CDH23: variants seen among roughly 807,000 people sequenced by gnomAD.
The protein encoded by CDH23 is cadherin-23.
A neutral mutation model predicts 317.1 loss-of-function variants in CDH23; 189 were observed. The ratio of observed to expected loss-of-function variants is 0.60; its 90% CI spans 0.53 to 0.67. The LOEUF (loss-of-function observed/expected upper bound fraction) is 0.67, where lower values mean the gene tolerates loss of function less well. Among genes scored for constraint, CDH23 ranks in the 30% least tolerant of loss-of-function variants. The pLI, the probability that CDH23 is intolerant of heterozygous loss-of-function variation, is 0.00. For synonymous variants in CDH23, 1,839 were observed against 1,876.8 expected, an observed-to-expected ratio of 0.98 and a Z score of 0.52; for missense variants, 4,401 against 4,592.4, an observed-to-expected ratio of 0.96 and a Z score of 1.20.
Position 71,785,624 on chromosome 10 carries a change from A to T in CDH23, c.5713-7A>T, listed in dbSNP as rs760081925. 2.6e-5 allele frequency: 41 copies of T among 1,573,488 alleles called. No individual in the cohort carries two copies. Among genetic ancestry groups the T allele is most frequent in the Non-Finnish European group, 3.3e-5 (38 of 1,154,748 alleles). ...CTCCATGCAGCTCACCACCCTCCAC[A>T]TCCCAGACAGGGATCGTCACTGTGA... On this transcript the variant is annotated splice_region_variant and splice_polypyrimidine_tract_variant and intron_variant, in intron 43 of 69. Transcript: ENST00000224721.
At chr10:71,764,114 T>C (rs557169487) in intron 38 of CDH23, among the ~76,000 whole-genome samples, 1 of 152,126 alleles carries the variant, frequency 6.6e-6, no homozygotes, top group Non-Finnish European at 1.5e-5. Context: ...GGGAAAGTGG[T>C]TGGACTGAAG....
At chr10:71,441,925 T>A (rs1849907236) in intron 2 of CDH23, among the ~76,000 whole-genome samples, 1 of 152,060 alleles carries the variant, frequency 6.6e-6, no homozygotes, top group South Asian at 2.1e-4. Context: ...AGCTAAGGGG[T>A]CCCTTGGGCG....
Position 71,594,603 on chromosome 10 carries a change from C to T in CDH23, c.832+16611C>T, listed in dbSNP as rs117363844. Among the ~76,000 whole-genome samples the T allele has an allele frequency of 0.018, 2,684 of 152,196 alleles. 140 individuals are homozygous for T. In the East Asian group the frequency reaches 0.18, roughly 10 times the overall value. ...GTTGGTCAGGCTGGTCTTGAACTCC[C>T]GACCTCAGGTCTCTGCCCGCCTTGG... is the stretch of plus-strand genomic sequence containing the variant. On this transcript the variant is annotated intron_variant, in intron 9 of 69. Coordinates refer to ENST00000224721, the MANE Select transcript of CDH23 (RefSeq NM_022124.6).
At chr10:71,398,360 G>A (rs1037168248) in intron 1 of CDH23, among the ~76,000 whole-genome samples, 1 of 151,856 alleles carries the variant, frequency 6.6e-6, no homozygotes, top group Non-Finnish European at 1.5e-5. Flanking sequence ...CATTGACCTC[G>A]CCTTCCAGCC....
chr10:71,729,380 A>G (rs137936749), intron 30 of CDH23, among the ~76,000 whole-genome samples: 32 of 152,344 alleles, frequency 2.1e-4, no homozygotes, highest in Non-Finnish European at 3.8e-4. Flanking sequence ...AACAGACAGC[A>G]AAGTGTCATG....
chr10:71,583,248 G>T (rs1443622089), intron 9 of CDH23, among the ~76,000 whole-genome samples: 2 of 151,842 alleles, frequency 1.3e-5, no homozygotes, highest in African/African-American at 4.8e-5. Context: ...GGGAGGCGGG[G>T]TGGGGGCGGG....
chr10:71,679,562 C>T (rs1011545137), intron 17 of CDH23, 70 bp downstream of exon 17: 13 of 1,217,592 alleles, frequency 1.1e-5, no homozygotes, highest in Non-Finnish European at 1.5e-5. Flanking sequence ...TCACACCTCC[C>T]TTGTGGGGAT....
rs114879134 is a variant in CDH23, at chr10:71,655,481, C to A, written c.1449+8864C>A. ...TCCTTGGCAGCACCGCCTTAAAAAGCCCACTTTTCCTGGTAACTGGCATGT... is the reference window on the plus strand; with the variant it reads ...TCCTTGGCAGCACCGCCTTAAAAAGACCACTTTTCCTGGTAACTGGCATGT... On this transcript the variant is annotated intron_variant, in intron 14 of 69. Transcript: ENST00000224721. Among the ~76,000 whole-genome samples the A allele has an allele frequency of 2.4e-3, 368 of 152,310 alleles. 1 individual carries two copies. Among genetic ancestry groups the A allele is most frequent in the African/African-American group, 8.7e-3 (360 of 41,558 alleles).
intron 14 of CDH23, among the ~76,000 whole-genome samples, chr10:71,659,821 AG>A (rs1264822071): frequency 6.6e-6 from 1 of 152,202 alleles, no homozygotes; most frequent in Non-Finnish European, 1.5e-5. Flanking sequence ...TCTGATGAGG[AG>A]GAGGAAGGTA....
At chr10:71,567,135 A>G (rs1857455044) in intron 7 of CDH23, among the ~76,000 whole-genome samples, 199 bp downstream of exon 7, 2 of 152,204 alleles carry the variant, frequency 1.3e-5, no homozygotes, top group South Asian at 4.1e-4. Context: ...CGTGCTGAGC[A>G]CTCAAAGGGA....
intron 3 of CDH23, among the ~76,000 whole-genome samples, chr10:71,465,889 G>C (rs1851228344): frequency 6.6e-6 from 1 of 152,196 alleles, no homozygotes; most frequent in African/African-American, 2.4e-5. Context: ...GAAAACACCA[G>C]AGAGGAAAAA....
At chr10:71,401,483 A>G (rs1847780468) in intron 1 of CDH23, among the ~76,000 whole-genome samples, 1 of 152,190 alleles carries the variant, frequency 6.6e-6, no homozygotes. Flanking sequence ...TTAAGTGATC[A>G]TTAACACACC....
At chr10:71,608,117 C>A (rs1440909388) in intron 9 of CDH23, among the ~76,000 whole-genome samples, 1 of 152,182 alleles carries the variant, frequency 6.6e-6, no homozygotes, top group East Asian at 1.9e-4. Context: ...GGTCTCACAA[C>A]TGGTAAGTGA....
intron 9 of CDH23, among the ~76,000 whole-genome samples, chr10:71,578,438 T>A (rs931582215): frequency 6.6e-6 from 1 of 152,182 alleles, no homozygotes; most frequent in Non-Finnish European, 1.5e-5. Flanking sequence ...TACAGCTGAT[T>A]TCATGTTCTT....
intron 38 of CDH23, chr10:71,742,168 C>G (rs1207445272): frequency 1.3e-5 from 7 of 550,716 alleles, no homozygotes; most frequent in South Asian, 2.5e-5. Flanking sequence ...TCTGTTTAGT[C>G]CTCTTTTCTC....
intron 3 of CDH23, among the ~76,000 whole-genome samples, chr10:71,453,420 CA>C (rs1850544411): frequency 6.6e-6 from 1 of 152,258 alleles, no homozygotes; most frequent in Non-Finnish European, 1.5e-5. Flanking sequence ...CCCGCAGGAG[CA>C]GCCCCTGTAG....
intron 30 of CDH23, among the ~76,000 whole-genome samples, chr10:71,729,180 C>T (rs753929459): frequency 6.6e-5 from 10 of 152,162 alleles, no homozygotes; most frequent in Non-Finnish European, 1.2e-4. Context: ...ATGTACAGTG[C>T]ACACATTCAT....
chr10:71,813,705 G>A (rs1404668057), intron 69 of CDH23, among the ~76,000 whole-genome samples: 1 of 152,134 alleles, frequency 6.6e-6, no homozygotes, highest in Non-Finnish European at 1.5e-5. Context: ...CCAGGAGTTC[G>A]AGACCAGTCT....
At chr10:71,536,105 C>T (rs2132274413) in intron 6 of CDH23, among the ~76,000 whole-genome samples, 1 of 152,378 alleles carries the variant, frequency 6.6e-6, no homozygotes, top group East Asian at 1.9e-4. Context: ...GAAGCCTGCG[C>T]TTGCATCGTG....
Sources: allele counts gnomAD v4.1 joint callset (sites outside exome capture counted in the v4.1 genomes callset), GRCh38; gene constraint gnomAD v4.1.1; transcripts MANE v1.5; gene names NCBI Gene and HGNC (gene_info 2026-07-23, HGNC 2026-07-21).